LRMDA: variants seen among roughly 807,000 people sequenced by gnomAD.
LRMDA encodes leucine-rich melanocyte differentiation-associated protein.
LRMDA carries 18 observed loss-of-function variants against 29.8 expected under a neutral mutation model. That is an observed-to-expected ratio of 0.60 (90% CI 0.42 to 0.90). The LOEUF is 0.90. Ranked by LOEUF, LRMDA falls within the 40% of genes least tolerant of loss-of-function variation. The pLI, the probability that LRMDA is intolerant of heterozygous loss-of-function variation, is 0.00. For missense variants in LRMDA, 273 were observed against 273.9 expected (o/e 1.00, Z 0.02); for synonymous variants, 125 against 109.4 (o/e 1.14, Z -0.89).
intron 2 of LRMDA, among the ~76,000 whole-genome samples, chr10:75,962,072 A>G (rs974658272): frequency 6.6e-6 from 1 of 152,206 alleles, no homozygotes; most frequent in Non-Finnish European, 1.5e-5. Flanking sequence ...GCCCTACTCC[A>G]TTATCATTTC....
chr10:76,405,547 G>A (rs895003011), intron 6 of LRMDA, among the ~76,000 whole-genome samples: 20 of 152,246 alleles, frequency 1.3e-4, no homozygotes, highest in African/African-American at 4.3e-4. Context: ...GACAGTTCTC[G>A]CCTGTCTAAG....
At chr10:76,314,365 C>G (rs1240404919) in intron 5 of LRMDA, among the ~76,000 whole-genome samples, 1 of 152,176 alleles carries the variant, frequency 6.6e-6, no homozygotes, top group African/African-American at 2.4e-5. Flanking sequence ...AGCCATCGTG[C>G]CCAGTCACAC....
chr10:76,198,198 C>A (rs896223795), intron 5 of LRMDA, among the ~76,000 whole-genome samples: 10 of 152,218 alleles, frequency 6.6e-5, no homozygotes, highest in African/African-American at 2.4e-4. Context: ...TGGTTGTCAT[C>A]TGAAGCCTAG....
chr10:76,211,318 C>T (rs1290349692), intron 5 of LRMDA, among the ~76,000 whole-genome samples: 2 of 152,210 alleles, frequency 1.3e-5, no homozygotes, highest in African/African-American at 4.8e-5. Context: ...GACTCACATT[C>T]CTCCTTTTTT....
intron 2 of LRMDA, among the ~76,000 whole-genome samples, chr10:75,452,356 G>C (rs1451322095): frequency 1.3e-5 from 2 of 152,114 alleles, no homozygotes. Context: ...TTTTCAACGT[G>C]ATTGCTGTTC....
At chr10:75,994,959 G>T (rs1847434901) in intron 2 of LRMDA, among the ~76,000 whole-genome samples, 1 of 152,128 alleles carries the variant, frequency 6.6e-6, no homozygotes, top group Admixed American at 6.5e-5. Context: ...CAAGAGCAAA[G>T]AAATGAATGT....
intron 6 of LRMDA, among the ~76,000 whole-genome samples, chr10:76,492,502 G>A (rs563321002): frequency 6.6e-6 from 1 of 152,166 alleles, no homozygotes; most frequent in South Asian, 2.1e-4. Flanking sequence ...GGTTTACTAG[G>A]CAAAGACTCT....
At chr10:75,887,456 C>G (rs531580405) in intron 2 of LRMDA, among the ~76,000 whole-genome samples, 20 of 152,128 alleles carry the variant, frequency 1.3e-4, no homozygotes, top group African/African-American at 4.6e-4. Flanking sequence ...TTGTTTCCCC[C>G]GAACATCATC....
chr10:76,001,890 G>C (rs186286286), intron 2 of LRMDA, among the ~76,000 whole-genome samples: 13 of 152,236 alleles, frequency 8.5e-5, no homozygotes, highest in Admixed American at 3.3e-4. Flanking sequence ...AAATGGGCTT[G>C]TTGGAAAACC....
chr10:75,645,296 TTAAAGA>T (rs1841504456), intron 2 of LRMDA, among the ~76,000 whole-genome samples: 1 of 152,220 alleles, frequency 6.6e-6, no homozygotes, highest in Non-Finnish European at 1.5e-5. Context: ...TATTTTACTC[TTAAAGA>T]TAAATTGTGA....
At chr10:76,190,907 G>T (rs1851232936) in intron 5 of LRMDA, among the ~76,000 whole-genome samples, 1 of 152,188 alleles carries the variant, frequency 6.6e-6, no homozygotes, top group Admixed American at 6.5e-5. Flanking sequence ...GTGGTTAATT[G>T]GTAATGATTA....
chr10:75,659,571 T>C (rs1342603983), intron 2 of LRMDA, among the ~76,000 whole-genome samples: 2 of 152,186 alleles, frequency 1.3e-5, no homozygotes, highest in African/African-American at 4.8e-5. Context: ...ATCTCACTTA[T>C]ATGTGTAATC....
At chr10:75,524,587 G>A (rs1012374691) in intron 2 of LRMDA, among the ~76,000 whole-genome samples, 7 of 152,168 alleles carry the variant, frequency 4.6e-5, no homozygotes, top group Non-Finnish European at 1.0e-4. Context: ...GGTAGGAAAT[G>A]AGAAGTTGGT....
intron 2 of LRMDA, among the ~76,000 whole-genome samples, chr10:75,697,850 T>TGTGTGTGTGTGTGCGCGC (rs10664076): frequency 0.084 from 12,716 of 151,638 alleles, 588 homozygotes; most frequent in Middle Eastern, 0.16. Context: ...TGTGTGTGTG[T>TGTGTGTGTGTGTGCGCGC]GCGTGTGTGT....
chr10:75,965,885 A>G (rs1370911146), intron 2 of LRMDA, among the ~76,000 whole-genome samples: 2 of 152,204 alleles, frequency 1.3e-5, no homozygotes, highest in Non-Finnish European at 2.9e-5. Context: ...GGGTTTATAC[A>G]CATTATAGGG....
chr10:75,497,399 T>C (rs1845058829), intron 2 of LRMDA, among the ~76,000 whole-genome samples: 1 of 152,092 alleles, frequency 6.6e-6, no homozygotes, highest in South Asian at 2.1e-4. Context: ...CATAGTAAGT[T>C]ACAGACATCA....
At chr10:76,040,741 C>T (rs1007933208) in intron 3 of LRMDA, among the ~76,000 whole-genome samples, 19 of 152,104 alleles carry the variant, frequency 1.2e-4, no homozygotes, top group South Asian at 2.1e-4. Flanking sequence ...ATAACCTTTG[C>T]GCAATCAAAT....
At chr10:75,551,543 C>A (rs1266993427) in intron 2 of LRMDA, among the ~76,000 whole-genome samples, 1 of 151,132 alleles carries the variant, frequency 6.6e-6, no homozygotes, top group African/African-American at 2.4e-5. Flanking sequence ...TCCATGTGTT[C>A]TAATTGTTCA....
intron 2 of LRMDA, among the ~76,000 whole-genome samples, chr10:75,476,692 A>G (rs908263966): frequency 6.6e-6 from 1 of 151,980 alleles, no homozygotes; most frequent in Non-Finnish European, 1.5e-5. Flanking sequence ...ACATGAACTG[A>G]CTCAGTGTGT....
Sources: gnomAD v4.1 joint callset for allele counts (sites outside exome capture counted in the v4.1 genomes callset) on GRCh38, gnomAD v4.1.1 for gene constraint, MANE v1.5 for transcripts, NCBI Gene and HGNC (gene_info 2026-07-23, HGNC 2026-07-21) for gene names.